PKD2: variants seen among roughly 807,000 people sequenced by gnomAD.
PKD2 encodes polycystin 2, transient receptor potential cation channel, also known as polycystin-2.
PKD2 carries 48 observed loss-of-function variants against 105.9 expected under a neutral mutation model. The observed-to-expected ratio is 0.45, with a 90% CI of 0.36 to 0.58. The LOEUF is 0.58. Among genes scored for constraint, PKD2 ranks in the 20% least tolerant of loss-of-function variants. The pLI, the probability that PKD2 is intolerant of heterozygous loss-of-function variation, is 0.00. For synonymous variants in PKD2, 464 were observed against 481.1 expected (o/e 0.96, Z 0.46); for missense variants, 1,078 against 1,255.3 (o/e 0.86, Z 2.13).
At position 88,077,519 on chromosome 4, in the gene PKD2, TATG is replaced by T. The variant is rs1721274553; in HGVS notation, c.*1828_*1830del. On this transcript the variant is annotated 3_prime_UTR_variant, in exon 15 of 15. Coordinates refer to ENST00000237596, the MANE Select transcript of PKD2 (RefSeq NM_000297.4). Reference sequence around the variant, plus strand: ...AATTATGGTCACTAGAAAGTCTCTTTATGATACTTTTTATTGTACTGTTTTTCA... The same window carrying T: ...AATTATGGTCACTAGAAAGTCTCTTTATACTTTTTATTGTACTGTTTTTCA... 1 of 152,780 alleles carries T rather than the reference TATG, an allele frequency of 6.5e-6. No individual in the cohort carries two copies. Among genetic ancestry groups the T allele is most frequent in the South Asian group, 2.1e-4 (1 of 4,828 alleles). The allele number at this position is 152,780 out of a possible 1,614,324, so 9.5% of individuals were successfully genotyped here.
chr4:88,064,895 AAAAG>A (rs982336987), intron 10 of PKD2, among the ~76,000 whole-genome samples: 4 of 152,118 alleles, frequency 2.6e-5, no homozygotes, highest in African/African-American at 9.7e-5. Flanking sequence ...CTGTCTCAAA[AAAAG>A]GGAAAATCCT....
rs142922515 is a variant in PKD2, at chr4:88,011,893, TGGGGG to T, written c.595+3574_595+3578del. On this transcript the variant is annotated intron_variant, in intron 1 of 14. Coordinates refer to ENST00000237596, the MANE Select transcript of PKD2 (RefSeq NM_000297.4). ...TTTATCCTAAATTACAGGTTTTCAA[TGGGGG>T]GGGGGGGGAGGGGCAGTTTTGCCCC... Among the ~76,000 whole-genome samples the T allele has an allele frequency of 3.4e-4, 39 of 113,152 alleles. 2 individuals are homozygous for T. The South Asian group carries it at 5.1e-3, about 15-fold the overall frequency. 74.2% of individuals were successfully genotyped at this position (113,152 alleles called of 152,430 possible). A position where few individuals can be genotyped will look rare whatever the true frequency, so the allele number is the denominator to read the frequency against.
intron 4 of PKD2, among the ~76,000 whole-genome samples, chr4:88,040,211 A>G (rs535765230): frequency 6.6e-6 from 1 of 152,144 alleles, no homozygotes; most frequent in East Asian, 1.9e-4. Flanking sequence ...TGACTCCAAA[A>G]CCCATGTTTC....
intron 9 of PKD2, among the ~76,000 whole-genome samples, chr4:88,061,399 C>T (rs547305683): frequency 2.0e-5 from 3 of 152,160 alleles, no homozygotes; most frequent in East Asian, 1.9e-4. Context: ...CATGACTTAA[C>T]GGAGAAAATA....
chr4:88,075,512 G>A lies in PKD2; in HGVS notation c.2725G>A (p.Val909Ile), dbSNP rs140848008. The A allele has an allele frequency of 6.4e-5, 103 of 1,614,066 alleles. 1 individual carries two copies. The highest frequency in any genetic ancestry group is 8.3e-5 in the Admixed American group (5 of 60,006). ...EIHREQMERL[V>I]REELERWESD... is the part of the protein sequence containing the mutation. ...CCATAGGGAACAGATGGAACGGCTA[G>A]TACGTGAAGAGTTGGAACGCTGGGA... is the stretch of plus-strand genomic sequence containing the variant. The change falls in exon 15 of 15, where the codon GTA becomes ATA. Residue 909 changes from valine (V) to isoleucine (I), a missense_variant. Transcript: ENST00000237596.
In PKD2 at chr4:88,007,702, G is replaced by T; in HGVS notation, c.-32G>T. 1 of 1,164,366 alleles carries T rather than the reference G, an allele frequency of 8.6e-7. No homozygotes were observed. The highest frequency in any genetic ancestry group is 1.1e-6 in the Non-Finnish European group (1 of 938,182). The allele number at this position is 1,164,366 out of a possible 1,614,324, so 72.1% of individuals were successfully genotyped here. On this transcript the variant is annotated 5_prime_UTR_variant, in exon 1 of 15. Coordinates refer to ENST00000237596, the MANE Select transcript of PKD2 (RefSeq NM_000297.4). ...GGCGCACAGCGCCGAGCGCGGCGCC[G>T]CGCACCCGCGCGCCGGACGCCAGTG...
At chr4:88,041,621 T>G (rs555229638) in intron 4 of PKD2, among the ~76,000 whole-genome samples, 4 of 152,162 alleles carry the variant, frequency 2.6e-5, no homozygotes, top group Non-Finnish European at 5.9e-5. Flanking sequence ...AATTAGAGAC[T>G]CAGTGCCTGG....
intron 9 of PKD2, among the ~76,000 whole-genome samples, chr4:88,058,933 T>C (rs1720460282): frequency 6.6e-6 from 1 of 152,188 alleles, no homozygotes; most frequent in African/African-American, 2.4e-5. Flanking sequence ...ATCTAAACAC[T>C]AACAGTCATC....
intron 2 of PKD2, among the ~76,000 whole-genome samples, chr4:88,021,442 C>T (rs895933304): frequency 2.6e-5 from 4 of 152,026 alleles, no homozygotes; most frequent in Middle Eastern, 3.4e-3. Context: ...GCTTTTTGTT[C>T]TTTTTCATGC....
Position 88,008,211 on chromosome 4 carries a change from C to T in PKD2, c.478C>T (p.Gln160Ter), listed in dbSNP as rs1726249672. 1 of 1,393,212 alleles carries T rather than the reference C, an allele frequency of 7.2e-7. No homozygotes were observed. The highest frequency in any genetic ancestry group is 9.3e-7 in the Non-Finnish European group (1 of 1,079,832). 86.3% of individuals were successfully genotyped at this position (1,393,212 alleles called of 1,614,324 possible). A position where few individuals can be genotyped will look rare whatever the true frequency, so the allele number is the denominator to read the frequency against. ...PSGRRRRREDQGPPCPSPVGG... is the reference protein window; with the variant it reads ...PSGRRRRRED Reference sequence around the variant, plus strand: ...CGGGAGGCGGCGCCGGCGAGAGGACCAGGGCCCGCCGTGCCCCAGCCCAGT... The same window carrying T: ...CGGGAGGCGGCGCCGGCGAGAGGACTAGGGCCCGCCGTGCCCCAGCCCAGT... The change falls in exon 1 of 15, where the codon CAG becomes TAG. Residue 160 changes from glutamine to a stop codon, truncating the protein, a stop_gained. Transcript: ENST00000237596. LOFTEE classifies it high-confidence loss of function.
chr4:88,065,059 C>T (rs1300996658), intron 10 of PKD2, among the ~76,000 whole-genome samples: 1 of 152,120 alleles, frequency 6.6e-6, no homozygotes, highest in Non-Finnish European at 1.5e-5. Context: ...TTGCACAGTA[C>T]TTTATGCTCT....
At chr4:88,041,937 C>T (rs1727580222) in intron 4 of PKD2, among the ~76,000 whole-genome samples, 1 of 152,184 alleles carries the variant, frequency 6.6e-6, no homozygotes, top group Admixed American at 6.5e-5. Context: ...TCCAGTCTTC[C>T]CTGCTGCCAC....
Position 88,058,078 on chromosome 4 carries a change from T to G in PKD2, c.1994T>G (p.Val665Gly). 6.5e-7 allele frequency: 1 copy of G among 1,536,428 alleles called. No individual in the cohort carries two copies. The stretch of plus-strand genomic sequence containing the variant: ...GGACCAATTTATTTCACTACATTTG[T>G]GTTCTTTATGTTCTTCATTCTTTTG... ...VLGPIYFTTFVFFMFFILLNM... is the reference protein window; with the variant it reads ...VLGPIYFTTFGFFMFFILLNM... The change falls in exon 9 of 15, where the codon GTG becomes GGG. Residue 665 changes from valine (V) to glycine (G), a missense_variant. Val to Gly is a moderately radical substitution (Grantham distance 109). Transcript: ENST00000237596.
Position 88,074,872 on chromosome 4 carries a change from C to T in PKD2, c.2583C>T (p.Asp861=), listed in dbSNP as rs369520452. ...HSIGSIVSKI[D]AVIVKLEIME... is the part of the protein sequence containing the mutation. The stretch of plus-strand genomic sequence containing the variant: ...TCGGCAGCATAGTGTCCAAGATTGA[C>T]GCCGTGATCGTGAAGCTAGAGATTA... Residue 861 remains aspartate, a synonymous_variant, in exon 14 of 15, where the codon GAC becomes GAT. Coordinates refer to ENST00000237596, the MANE Select transcript of PKD2 (RefSeq NM_000297.4). The T allele has an allele frequency of 2.5e-4, 396 of 1,613,878 alleles. No individual in the cohort carries two copies. The highest frequency in any genetic ancestry group is 3.3e-4 in the Non-Finnish European group (384 of 1,179,928).
Position 88,007,918 on chromosome 4 carries a change from C to T in PKD2, c.185C>T (p.Ala62Val). 7.0e-7 allele frequency: 1 copy of T among 1,434,834 alleles called. No homozygotes were observed. The highest frequency in any genetic ancestry group is 9.2e-7 in the Non-Finnish European group (1 of 1,089,564). 88.9% of individuals were successfully genotyped at this position (1,434,834 alleles called of 1,614,324 possible). ...ATCGAGATGCAGCGCATCCGGCAGGCGGCCGCGCGGGACCCCCCGGCCGGA... is the reference window on the plus strand; with the variant it reads ...ATCGAGATGCAGCGCATCCGGCAGGTGGCCGCGCGGGACCCCCCGGCCGGA... ...LEIEMQRIRQ[A>V]AARDPPAGAA... The change falls in exon 1 of 15, where the codon GCG (alanine) becomes GTG (valine). Residue 62 changes from alanine to valine, a missense_variant. Around this residue, in one of 2 missense-constraint regions of PKD2, gnomAD observed 210 missense variants for 187.9 expected, o/e 1.12. Transcript: ENST00000237596.
intron 9 of PKD2, among the ~76,000 whole-genome samples, chr4:88,059,586 C>G (rs1720489080): frequency 6.6e-6 from 1 of 152,104 alleles, no homozygotes; most frequent in Admixed American, 6.5e-5. Context: ...CTTACCAGAT[C>G]TAGAGTATTC....
chr4:88,011,868 T>C (rs1726391965), intron 1 of PKD2, among the ~76,000 whole-genome samples: 1 of 119,278 alleles, frequency 8.4e-6, no homozygotes, highest in African/African-American at 3.3e-5. Context: ...CGAGCAGAGC[T>C]TTATCCTAAA....
In PKD2 at chr4:88,077,508, G is replaced by A. The variant is rs186735575; in HGVS notation, c.*1814G>A. 21 of 152,724 alleles carry A rather than the reference G, an allele frequency of 1.4e-4. No homozygotes were observed. Among genetic ancestry groups the A allele is most frequent in the Admixed American group, 1.3e-3 (20 of 15,292 alleles). 9.5% of individuals were successfully genotyped at this position (152,724 alleles called of 1,614,324 possible). A position where few individuals can be genotyped will look rare whatever the true frequency, so the allele number is the denominator to read the frequency against. ...TGCCATATATCAATTATGGTCACTA[G>A]AAAGTCTCTTTATGATACTTTTTAT... On this transcript the variant is annotated 3_prime_UTR_variant, in exon 15 of 15. Transcript: ENST00000237596.
At chr4:88,013,801 A>G (rs539164041) in intron 1 of PKD2, among the ~76,000 whole-genome samples, 1 of 151,908 alleles carries the variant, frequency 6.6e-6, no homozygotes, top group South Asian at 2.1e-4. Context: ...TTGAAGAATG[A>G]GAGGGGAATA....
Sources: allele counts gnomAD v4.1 joint callset (sites outside exome capture counted in the v4.1 genomes callset), GRCh38; gene constraint gnomAD v4.1.1; regional missense constraint gnomAD v4.1.1; transcripts MANE v1.5; gene names NCBI Gene and HGNC (gene_info 2026-07-23, HGNC 2026-07-21).